DTNBP1: variants seen among roughly 807,000 people sequenced by gnomAD.
DTNBP1 encodes dystrobrevin binding protein 1.
Under a neutral mutation model 42.8 loss-of-function variants are expected in DTNBP1, and 35 were observed. That is an observed-to-expected ratio of 0.82 (90% confidence interval 0.63 to 1.09). DTNBP1 has a LOEUF of 1.09. DTNBP1 is among the 50% of genes least tolerant of loss of function. DTNBP1 has a pLI of 0.00. For missense variants in DTNBP1, 457 were observed against 424.2 expected, an observed-to-expected ratio of 1.08 and a Z score of -0.68; for synonymous variants, 171 against 162.2, an observed-to-expected ratio of 1.05 and a Z score of -0.41.
At chr6:15,634,059 T>A (rs935881522) in intron 4 of DTNBP1, among the ~76,000 whole-genome samples, 1 of 152,228 alleles carries the variant, frequency 6.6e-6, no homozygotes, top group African/African-American at 2.4e-5. Flanking sequence ...TTCTGAGGTA[T>A]GCCCATACAT....
intron 7 of DTNBP1, among the ~76,000 whole-genome samples, chr6:15,564,388 CA>C (rs931407436): frequency 1.3e-5 from 2 of 151,736 alleles, no homozygotes; most frequent in Admixed American, 1.3e-4. Flanking sequence ...AAGAAGCAGA[CA>C]AAAAAAATTT....
intron 8 of DTNBP1, among the ~76,000 whole-genome samples, chr6:15,525,992 G>A (rs928672164): frequency 2.6e-5 from 4 of 152,152 alleles, no homozygotes; most frequent in African/African-American, 9.7e-5. Flanking sequence ...TCTCTAAAAG[G>A]CAGCCAGAGA....
intron 7 of DTNBP1, among the ~76,000 whole-genome samples, chr6:15,582,632 TA>T (rs1262853094): frequency 6.6e-6 from 1 of 152,216 alleles, no homozygotes; most frequent in African/African-American, 2.4e-5. Flanking sequence ...ATTACTACGA[TA>T]ATTCTTATTA....
chr6:15,597,003 T>C (rs574981461), intron 6 of DTNBP1, among the ~76,000 whole-genome samples: 11 of 152,322 alleles, frequency 7.2e-5, no homozygotes, highest in African/African-American at 2.4e-4. Flanking sequence ...ATCAACCTTA[T>C]ATAAATATCC....
intron 3 of DTNBP1, among the ~76,000 whole-genome samples, chr6:15,643,590 T>C (rs1327416236): frequency 1.3e-5 from 2 of 152,092 alleles, no homozygotes; most frequent in Non-Finnish European, 2.9e-5. Flanking sequence ...ACAGTGGACT[T>C]CTCAGCCGAA....
At position 15,627,475 on chromosome 6, in the gene DTNBP1, G is replaced by C. The variant is rs993181973; in HGVS notation, c.223C>G (p.Leu75Val). 1.9e-6 allele frequency: 3 copies of C among 1,613,582 alleles called. No homozygotes were observed. In the African/African-American group the frequency reaches 4.0e-5, roughly 22 times the overall value. ...AGCATGACCACCTCGCTATCCACCA[G>C]CTGCAGCACACAAGAAGGGGGGTAA... ...RAKDCASAGE[L>V]VDSEVVMLSA... The change falls in exon 5 of 10, where the codon CTG becomes GTG. Residue 75 changes from leucine to valine, a missense_variant and splice_region_variant. Leu to Val is a conservative substitution (Grantham distance 32). Coordinates refer to ENST00000344537, the MANE Select transcript of DTNBP1 (RefSeq NM_032122.5).
At chr6:15,558,846 T>G (rs1458637453) in intron 7 of DTNBP1, among the ~76,000 whole-genome samples, 6 of 152,244 alleles carry the variant, frequency 3.9e-5, no homozygotes, top group African/African-American at 1.2e-4. Flanking sequence ...ATTTCTGTTT[T>G]GCACTGCTGG....
At chr6:15,533,926 T>C (rs527894959) in intron 7 of DTNBP1, among the ~76,000 whole-genome samples, 5 of 152,352 alleles carry the variant, frequency 3.3e-5, no homozygotes, top group Middle Eastern at 3.4e-3. Context: ...TCAAGGTATG[T>C]TTGTTAAAAG....
At chr6:15,582,295 G>A (rs536648980) in intron 7 of DTNBP1, among the ~76,000 whole-genome samples, 10 of 152,148 alleles carry the variant, frequency 6.6e-5, no homozygotes, top group Admixed American at 1.3e-4. Flanking sequence ...GAGGGCAGAC[G>A]TTCCTGGGTT....
At chr6:15,655,230 T>A (rs1395095162) in intron 1 of DTNBP1, among the ~76,000 whole-genome samples, 1 of 152,092 alleles carries the variant, frequency 6.6e-6, no homozygotes, top group African/African-American at 2.4e-5. Flanking sequence ...TAAGCGATCC[T>A]CCCACCTTAG....
chr6:15,525,455 A>G (rs867153656), intron 8 of DTNBP1, among the ~76,000 whole-genome samples: 35 of 152,236 alleles, frequency 2.3e-4, no homozygotes, highest in African/African-American at 6.8e-4. Context: ...ATCCCAACCC[A>G]ATCTGGCATT....
chr6:15,548,372 A>C (rs1774001797), intron 7 of DTNBP1: 1 of 152,036 alleles, frequency 6.6e-6, no homozygotes, highest in Non-Finnish European at 1.5e-5. Context: ...TATGTGTTAA[A>C]ATAGATCAGA....
chr6:15,651,836 C>A (rs1290023940), intron 2 of DTNBP1, among the ~76,000 whole-genome samples: 1 of 152,178 alleles, frequency 6.6e-6, no homozygotes, highest in Admixed American at 6.5e-5. Flanking sequence ...TTAAAAATGA[C>A]TAATTGTGAT....
chr6:15,565,398 T>C (rs1775027121), intron 7 of DTNBP1, among the ~76,000 whole-genome samples: 1 of 152,232 alleles, frequency 6.6e-6, no homozygotes, highest in Admixed American at 6.5e-5. Context: ...ACAGTAGTAC[T>C]TTTTTAAATA....
At chr6:15,528,205 G>A (rs1387218902) in intron 8 of DTNBP1, among the ~76,000 whole-genome samples, 1 of 152,212 alleles carries the variant, frequency 6.6e-6, no homozygotes, top group Non-Finnish European at 1.5e-5. Flanking sequence ...ACACAGATGT[G>A]CAGAGCAGGT....
intron 9 of DTNBP1, 34 bp from the exon 10 acceptor site, chr6:15,523,253 C>T (rs755307868): frequency 5.0e-6 from 8 of 1,612,962 alleles, no homozygotes; most frequent in Non-Finnish European, 1.7e-6. Flanking sequence ...AAAGCCCTGT[C>T]ATAAAAATAT....
intron 8 of DTNBP1, among the ~76,000 whole-genome samples, chr6:15,532,831 C>T (rs1044764330): frequency 1.3e-5 from 2 of 150,128 alleles, no homozygotes. Context: ...TCCTGAGTAG[C>T]TGGGATTAGA....
chr6:15,541,129 A>G (rs201823390), intron 7 of DTNBP1, among the ~76,000 whole-genome samples: 2 of 151,642 alleles, frequency 1.3e-5, no homozygotes, highest in African/African-American at 4.8e-5. Flanking sequence ...GTTGCACCAC[A>G]CCAGCCACTA....
intron 4 of DTNBP1, among the ~76,000 whole-genome samples, chr6:15,630,915 T>A (rs1759661493): frequency 6.6e-6 from 1 of 152,008 alleles, no homozygotes; most frequent in Admixed American, 6.5e-5. Context: ...AGACTCCGTC[T>A]CAAAAAAAAA....
Sources: allele counts gnomAD v4.1 joint callset (sites outside exome capture counted in the v4.1 genomes callset), GRCh38; gene constraint gnomAD v4.1.1; transcripts MANE v1.5; gene names NCBI Gene and HGNC (gene_info 2026-07-23, HGNC 2026-07-21).